The following WNK2 variants were observed in gnomAD, a reference collection of about 807,000 sequenced individuals.
WNK2 encodes serine/threonine-protein kinase WNK2.
WNK2 carries 67 observed loss-of-function variants against 192.1 expected under a neutral mutation model. That is an observed-to-expected ratio of 0.35 (90% confidence interval 0.29 to 0.43). The LOEUF is 0.43. Among genes scored for constraint, WNK2 ranks in the 20% least tolerant of loss-of-function variants. WNK2 has a pLI of 1.00. For missense variants in WNK2, 2,698 were observed against 3,089.7 expected (o/e 0.87, Z 3.01); for synonymous variants, 1,439 against 1,393.9 (o/e 1.03, Z -0.72).
Position 93,229,630 on chromosome 9 carries a change from G to A in WNK2, c.682-66G>A. Reference sequence around the variant, plus strand: ...TCCTACTGTGTGGCGCTGCTGGGATGTGACGCCACCGTGTCCCCTTCTGTG... The same window carrying A: ...TCCTACTGTGTGGCGCTGCTGGGATATGACGCCACCGTGTCCCCTTCTGTG... On this transcript the variant is annotated intron_variant, in intron 2 of 29. Transcript: ENST00000427277. This position sits in a 1 kb window ranked among gnomAD's most constrained non-coding sequence, Gnocchi z 4.9. The A allele has an allele frequency of 6.5e-7, 1 of 1,541,102 alleles. No individual in the cohort carries two copies. The highest frequency in any genetic ancestry group is 8.8e-7 in the Non-Finnish European group (1 of 1,139,020).
intron 2 of WNK2, among the ~76,000 whole-genome samples, chr9:93,200,775 G>A (rs1272902991): frequency 6.6e-6 from 1 of 152,152 alleles, no homozygotes; most frequent in Non-Finnish European, 1.5e-5. Context: ...GGCCACCTGC[G>A]CCATTTGTAA....
intron 19 of WNK2, among the ~76,000 whole-genome samples, chr9:93,272,869 C>T (rs1172342265): frequency 2.0e-5 from 3 of 151,658 alleles, no homozygotes; most frequent in Non-Finnish European, 4.4e-5. Flanking sequence ...TCTAAGCATA[C>T]TGATAATTAA....
At chr9:93,192,808 C>T (rs1252159366) in intron 2 of WNK2, among the ~76,000 whole-genome samples, 1 of 152,212 alleles carries the variant, frequency 6.6e-6, no homozygotes. Context: ...TGCTGGCCAC[C>T]ATGAGTCCAC....
At chr9:93,237,284 G>T (rs1039180439) in intron 5 of WNK2, among the ~76,000 whole-genome samples, 1 of 151,876 alleles carries the variant, frequency 6.6e-6, no homozygotes, top group Non-Finnish European at 1.5e-5. Flanking sequence ...TATCTTTTTT[G>T]GGATTCCAGT....
chr9:93,262,871 C>G (rs1460085738), intron 14 of WNK2, among the ~76,000 whole-genome samples, 152 bp downstream of exon 14: 1 of 152,240 alleles, frequency 6.6e-6, no homozygotes, highest in Non-Finnish European at 1.5e-5. Context: ...CTGGTGGAGC[C>G]TCAGGGCCCT....
At chr9:93,250,161 G>A (rs1269125788) in intron 8 of WNK2, among the ~76,000 whole-genome samples, 1 of 151,840 alleles carries the variant, frequency 6.6e-6, no homozygotes, top group East Asian at 1.9e-4. Context: ...ACACCCATAG[G>A]CACACATAGA....
At chr9:93,311,821 T>C (rs887696689) in intron 28 of WNK2, among the ~76,000 whole-genome samples, 1 of 152,086 alleles carries the variant, frequency 6.6e-6, no homozygotes, top group Non-Finnish European at 1.5e-5. Flanking sequence ...GGTTTCACCA[T>C]GTTGGTCAGG....
At position 93,289,558 on chromosome 9, in the gene WNK2, C is replaced by G. The variant is rs1371396531; in HGVS notation, c.4804C>G (p.Leu1602Val). 1.3e-6 allele frequency: 2 copies of G among 1,553,734 alleles called. No homozygotes were observed. Among genetic ancestry groups the G allele is most frequent in the African/African-American group, 2.7e-5 (2 of 73,706 alleles). Residue 1602 changes from leucine (L) to valine (V), a missense_variant, in exon 20 of 30, where the codon CTG (leucine) becomes GTG (valine). Leu to Val is a conservative substitution (Grantham distance 32). Coordinates refer to ENST00000427277, the MANE Select transcript of WNK2 (RefSeq NM_006648.4). ...CCGCTCAGAGGTCTGCGGGGGGGAC[C>G]TGGCCCTGCCCCCAGTGCCTAAGGA... ...QPRSEVCGGD[L>V]ALPPVPKEAV... is the part of the protein sequence containing the mutation.
At chr9:93,285,524 A>G (rs572947094) in intron 19 of WNK2, among the ~76,000 whole-genome samples, 45 of 152,356 alleles carry the variant, frequency 3.0e-4, no homozygotes, top group Non-Finnish European at 5.6e-4. Flanking sequence ...AACGAAAAGT[A>G]TGTAACATCT....
At chr9:93,252,850 G>C (rs1341788364) in intron 8 of WNK2, 33 bp from the exon 9 acceptor site, 1 of 1,366,350 alleles carries the variant, frequency 7.3e-7, no homozygotes, top group Non-Finnish European at 9.5e-7. Context: ...ATTTGGAGAT[G>C]TCCACTCTAA....
intron 5 of WNK2, among the ~76,000 whole-genome samples, chr9:93,235,815 A>G (rs933857312): frequency 6.6e-6 from 1 of 152,202 alleles, no homozygotes; most frequent in Admixed American, 6.5e-5. Context: ...CTGCGGGGCC[A>G]TGGCTGCTTC....
In WNK2 at chr9:93,256,163, T is replaced by C. The variant is rs553281952; in HGVS notation, c.2035-136T>C. On this transcript the variant is annotated intron_variant, in intron 9 of 29. Coordinates refer to ENST00000427277, the MANE Select transcript of WNK2 (RefSeq NM_006648.4). ...ATGCCCAGGGCTCCCTCACTGCTTC[T>C]GCTGTCATGTTCCTGGGAAGAGGGA... 2.0e-5 allele frequency: 22 copies of C among 1,094,648 alleles called. No homozygotes were observed. In the African/African-American group the frequency reaches 3.3e-4, roughly 16 times the overall value. 67.8% of individuals were successfully genotyped at this position (1,094,648 alleles called of 1,614,324 possible).
At chr9:93,240,235 G>C (rs977400438) in intron 7 of WNK2, among the ~76,000 whole-genome samples, 1 of 152,236 alleles carries the variant, frequency 6.6e-6, no homozygotes, top group Non-Finnish European at 1.5e-5. Context: ...CTCCGAGCCA[G>C]TGCAGTGCGG....
intron 4 of WNK2, 76 bp from the exon 5 acceptor site, chr9:93,234,732 G>A (rs777323023): frequency 8.5e-6 from 13 of 1,528,228 alleles, no homozygotes; most frequent in Non-Finnish European, 1.1e-5. Context: ...GGCAGCCAAA[G>A]CTCCCGGGAC....
intron 11 of WNK2, among the ~76,000 whole-genome samples, chr9:93,258,638 CAG>C (rs1164118607): frequency 6.6e-6 from 1 of 152,160 alleles, no homozygotes; most frequent in Admixed American, 6.5e-5. Context: ...AGTGTGGACA[CAG>C]GGAGGCCTCC....
In WNK2 at chr9:93,320,430, G is replaced by A. The variant is rs1346942636; in HGVS notation, c.*38G>A. On this transcript the variant is annotated 3_prime_UTR_variant, in exon 30 of 30. Transcript: ENST00000427277. Reference sequence around the variant, plus strand: ...GCCAGGCCCACTTCACGCCGTCTAAGTGGAGAAGTGACGGACCCTCAGGGC... The same window carrying A: ...GCCAGGCCCACTTCACGCCGTCTAAATGGAGAAGTGACGGACCCTCAGGGC... 2 of 1,367,500 alleles carry A rather than the reference G, an allele frequency of 1.5e-6. No individual in the cohort carries two copies. Among genetic ancestry groups the A allele is most frequent in the African/African-American group, 3.0e-5 (2 of 67,772 alleles). 84.7% of individuals were successfully genotyped at this position (1,367,500 alleles called of 1,614,324 possible).
At chr9:93,223,255 C>T (rs1437148908) in intron 2 of WNK2, among the ~76,000 whole-genome samples, 2 of 152,316 alleles carry the variant, frequency 1.3e-5, no homozygotes, top group Middle Eastern at 6.8e-3. Context: ...AGGCCCAGTG[C>T]CTGCCTCTTG....
Position 93,207,394 on chromosome 9 carries a change from C to T in WNK2, c.681+21784C>T, listed in dbSNP as rs1236157519. Among the ~76,000 whole-genome samples, 4 of 152,188 alleles carry T rather than the reference C, an allele frequency of 2.6e-5. No homozygotes were observed. The South Asian group carries it at 6.2e-4, about 24-fold the overall frequency. On this transcript the variant is annotated intron_variant, in intron 2 of 29. Transcript: ENST00000427277. ...CCTACAGGCAGCAGACCTTCAGCTCCCCACCAGCTCCTGAGGAGGGTGAGC... is the reference window on the plus strand; with the variant it reads ...CCTACAGGCAGCAGACCTTCAGCTCTCCACCAGCTCCTGAGGAGGGTGAGC...
intron 19 of WNK2, among the ~76,000 whole-genome samples, chr9:93,281,452 C>T (rs754078540): frequency 6.6e-6 from 1 of 152,108 alleles, no homozygotes; most frequent in Non-Finnish European, 1.5e-5. Context: ...GGATTGTACA[C>T]TGCCAGAGAG....
Sources: allele counts gnomAD v4.1 joint callset (sites outside exome capture counted in the v4.1 genomes callset), GRCh38; gene constraint gnomAD v4.1.1; non-coding constraint Gnocchi (gnomAD v3.1); transcripts MANE v1.5; gene names NCBI Gene and HGNC (gene_info 2026-07-23, HGNC 2026-07-21).